The following CAAP1 variants were observed in gnomAD, a reference collection of about 807,000 sequenced individuals.
The protein encoded by CAAP1 is caspase activity and apoptosis inhibitor 1, also known as conserved anti-apoptotic protein.
A neutral mutation model predicts 34.0 loss-of-function variants in CAAP1; 20 were observed. That is an observed-to-expected ratio of 0.59 (90% CI 0.41 to 0.86). The LOEUF (loss-of-function observed/expected upper bound fraction) is 0.86, where lower values mean the gene tolerates loss of function less well. CAAP1 is among the 40% of genes least tolerant of loss of function. CAAP1 has a pLI of 0.00. For synonymous variants in CAAP1, 213 were observed against 166.7 expected (o/e 1.28, Z -2.14); for missense variants, 538 against 450.5 (o/e 1.19, Z -1.76).
At position 26,858,557 on chromosome 9, in the gene CAAP1, T is replaced by C. The variant is rs141366752; in HGVS notation, c.739+2509A>G. Among the ~76,000 whole-genome samples, 462 of 152,316 alleles carry C rather than the reference T, an allele frequency of 3.0e-3. 6 individuals are homozygous for C. The highest frequency in any genetic ancestry group is 0.028 in the East Asian group (145 of 5,192). On this transcript the variant is annotated intron_variant, in intron 5 of 5. Coordinates refer to ENST00000333916, the MANE Select transcript of CAAP1 (RefSeq NM_024828.4). ...GTTAAAACTGGCTGGGTGCGGTGGC[T>C]CACGCCTGTAATCCCAGCACTTTGG...
intron 3 of CAAP1, among the ~76,000 whole-genome samples, chr9:26,885,316 C>A (rs1177345933): frequency 1.3e-5 from 2 of 151,868 alleles, no homozygotes; most frequent in Non-Finnish European, 2.9e-5. Context: ...ACCTTGTGAT[C>A]CGCCCGCCTC....
intron 4 of CAAP1, 44 bp from the exon 5 acceptor site, chr9:26,861,183 CA>C (rs751628087): frequency 7.1e-7 from 1 of 1,406,732 alleles, no homozygotes; most frequent in African/African-American, 1.4e-5. Flanking sequence ...TATATTTAAT[CA>C]CATAATATTT....
At chr9:26,852,942 C>T (rs1255645041) in intron 5 of CAAP1, among the ~76,000 whole-genome samples, 1 of 152,138 alleles carries the variant, frequency 6.6e-6, no homozygotes, top group Non-Finnish European at 1.5e-5. Flanking sequence ...GCCTCTGACA[C>T]AGGAGTGTTT....
At chr9:26,852,069 ATTTTTCTGGAG>A (rs957347556) in intron 5 of CAAP1, among the ~76,000 whole-genome samples, 1 of 151,752 alleles carries the variant, frequency 6.6e-6, no homozygotes, top group African/African-American at 2.4e-5. Context: ...ATTAAATTTA[ATTTTTCTGGAG>A]ACAGGGTCTC....
intron 5 of CAAP1, among the ~76,000 whole-genome samples, chr9:26,848,160 T>G (rs1363877001): frequency 6.6e-6 from 1 of 152,224 alleles, no homozygotes; most frequent in African/African-American, 2.4e-5. Context: ...TTAAATACTT[T>G]AGCATAACTT....
intron 4 of CAAP1, among the ~76,000 whole-genome samples, chr9:26,877,132 A>AG (rs1209257729): frequency 2.6e-5 from 4 of 152,240 alleles, no homozygotes; most frequent in Non-Finnish European, 5.9e-5. Context: ...CAAAAGAGCG[A>AG]GACCTGCCTC....
At chr9:26,889,843 G>C (rs995329866) in intron 1 of CAAP1, among the ~76,000 whole-genome samples, 1 of 147,962 alleles carries the variant, frequency 6.8e-6, no homozygotes, top group Non-Finnish European at 1.5e-5. Flanking sequence ...ACTCCAGCCT[G>C]GGCGACAGAG....
chr9:26,873,523 T>C (rs1823331167), intron 4 of CAAP1, among the ~76,000 whole-genome samples: 1 of 152,210 alleles, frequency 6.6e-6, no homozygotes, highest in African/African-American at 2.4e-5. Context: ...GATTATTTTA[T>C]TGTGCTATTC....
chr9:26,887,510 T>C lies in CAAP1; in HGVS notation c.307A>G (p.Thr103Ala), dbSNP rs1823777222. 1 of 1,575,812 alleles carries C rather than the reference T, an allele frequency of 6.3e-7. No homozygotes were observed. The highest frequency in any genetic ancestry group is 1.4e-5 in the African/African-American group (1 of 73,360). ...TCCAAAGTTGGCAAAATATATTTAGTTTCCTAAAGTTAAAAGAATAAAGAA... is the reference window on the plus strand; with the variant it reads ...TCCAAAGTTGGCAAAATATATTTAGCTTCCTAAAGTTAAAAGAATAAAGAA... ...SSVSGSLQQETKYILPTLEKE... is the reference protein window; with the variant it reads ...SSVSGSLQQEAKYILPTLEKE... Residue 103 changes from threonine to alanine, a missense_variant, in exon 2 of 6, where the codon ACT becomes GCT. Around this residue, in one of 3 missense-constraint regions of CAAP1, gnomAD observed 514 missense variants for 408.4 expected, o/e 1.26. Coordinates refer to ENST00000333916, the MANE Select transcript of CAAP1 (RefSeq NM_024828.4).
intron 5 of CAAP1, among the ~76,000 whole-genome samples, chr9:26,860,663 G>C (rs911036507): frequency 6.6e-6 from 1 of 152,092 alleles, no homozygotes; most frequent in African/African-American, 2.4e-5. Flanking sequence ...GTGGAGGTTG[G>C]CACCTATAGT....
At chr9:26,846,205 TCAGGAGTTCAAGAC>T (rs2131294030) in intron 5 of CAAP1, among the ~76,000 whole-genome samples, 1 of 151,920 alleles carries the variant, frequency 6.6e-6, no homozygotes, top group African/African-American at 2.4e-5. Context: ...GATCACAAGG[TCAGGAGTTCAAGAC>T]TAGCCTGGCC....
chr9:26,854,759 C>T (rs1368348208), intron 5 of CAAP1, among the ~76,000 whole-genome samples: 2 of 152,120 alleles, frequency 1.3e-5, no homozygotes, highest in South Asian at 2.1e-4. Flanking sequence ...AGACAACTCA[C>T]CAAAAATATA....
intron 5 of CAAP1, among the ~76,000 whole-genome samples, chr9:26,850,323 A>T (rs1456980213): frequency 6.6e-6 from 1 of 152,174 alleles, no homozygotes; most frequent in Non-Finnish European, 1.5e-5. Flanking sequence ...GTACGTGGGC[A>T]GAGTGGGGGT....
chr9:26,845,172 T>C (rs191760236), intron 5 of CAAP1, among the ~76,000 whole-genome samples: 127 of 152,310 alleles, frequency 8.3e-4, no homozygotes, highest in Non-Finnish European at 4.7e-4. Context: ...ACTACTTAAA[T>C]GTAGGGCAGA....
chr9:26,865,509 A>G (rs1282045492), intron 4 of CAAP1, among the ~76,000 whole-genome samples: 3 of 149,904 alleles, frequency 2.0e-5, no homozygotes, highest in African/African-American at 7.5e-5. Context: ...GGGCAACAAG[A>G]GAGAAACTAT....
intron 4 of CAAP1, among the ~76,000 whole-genome samples, chr9:26,863,466 G>A (rs1408607648): frequency 2.6e-5 from 4 of 151,910 alleles, no homozygotes; most frequent in Non-Finnish European, 5.9e-5. Flanking sequence ...CCAATAAATG[G>A]CATAAAAGGC....
chr9:26,855,603 AG>A (rs1027583943), intron 5 of CAAP1, among the ~76,000 whole-genome samples: 20 of 152,334 alleles, frequency 1.3e-4, no homozygotes, highest in African/African-American at 4.8e-4. Flanking sequence ...CCAAAAAAAA[AG>A]CCTTTAATAA....
intron 1 of CAAP1, among the ~76,000 whole-genome samples, chr9:26,891,799 G>C (rs909860672): frequency 7.9e-5 from 12 of 152,168 alleles, no homozygotes; most frequent in Non-Finnish European, 1.5e-5. Context: ...GGCAAGAAAA[G>C]GGACTTGACG....
chr9:26,885,112 T>C (rs1823701245), intron 3 of CAAP1, among the ~76,000 whole-genome samples: 1 of 147,144 alleles, frequency 6.8e-6, no homozygotes, highest in Admixed American at 6.9e-5. Flanking sequence ...AGTGTCACAC[T>C]GTCACCCCGG....
Sources: gnomAD v4.1 joint callset for allele counts (sites outside exome capture counted in the v4.1 genomes callset) on GRCh38, gnomAD v4.1.1 for gene constraint, gnomAD v4.1.1 regional missense constraint, MANE v1.5 for transcripts, NCBI Gene and HGNC (gene_info 2026-07-23, HGNC 2026-07-21) for gene names.